The following SYNE2 variants were observed in gnomAD, a reference collection of about 807,000 sequenced individuals.
The protein encoded by SYNE2 is spectrin repeat containing nuclear envelope protein 2, also known as nesprin-2.
A neutral mutation model predicts 856.3 loss-of-function variants in SYNE2; 431 were observed. The observed-to-expected ratio is 0.50, with a 90% CI of 0.47 to 0.55. The LOEUF (loss-of-function observed/expected upper bound fraction) is 0.55, where lower values mean the gene tolerates loss of function less well. Among genes scored for constraint, SYNE2 ranks in the 20% least tolerant of loss-of-function variants. The pLI, the probability that SYNE2 is intolerant of heterozygous loss-of-function variation, is 0.00. For synonymous variants in SYNE2, 2,923 were observed against 2,872.3 expected, an observed-to-expected ratio of 1.02 and a Z score of -0.56; for missense variants, 8,129 against 8,023.2, an observed-to-expected ratio of 1.01 and a Z score of -0.50.
chr14:64,224,357 C>G, intron 113 of SYNE2, 104 bp from the exon 114 acceptor site: 1 of 1,126,274 alleles, frequency 8.9e-7, no homozygotes, highest in Non-Finnish European at 1.3e-6. Context: ...TAAAACAAAA[C>G]AAAACAAAAA....
At chr14:63,861,333 C>T (rs1337326515) in intron 1 of SYNE2, among the ~76,000 whole-genome samples, 14 of 151,596 alleles carry the variant, frequency 9.2e-5, no homozygotes, top group Non-Finnish European at 1.5e-4. Flanking sequence ...TTAGTAGAGA[C>T]GGGGTTTCAC....
intron 1 of SYNE2, among the ~76,000 whole-genome samples, chr14:63,874,508 C>T (rs182855019): frequency 5.9e-4 from 90 of 152,262 alleles, no homozygotes; most frequent in Non-Finnish European, 1.2e-3. Flanking sequence ...ATCTATGTAA[C>T]CTGCCTGAGC....
At chr14:63,783,279 CTT>C (rs1887387955) in intron 1 of SYNE2, among the ~76,000 whole-genome samples, 1 of 152,156 alleles carries the variant, frequency 6.6e-6, no homozygotes, top group African/African-American at 2.4e-5. Context: ...CTTGCTTTCC[CTT>C]TGCCTTCCGC....
intron 58 of SYNE2, 146 bp from the exon 59 acceptor site, chr14:64,089,428 T>C (rs1021786571): frequency 6.8e-5 from 32 of 467,656 alleles, no homozygotes; most frequent in Middle Eastern, 6.0e-4. Context: ...TATTTATTTA[T>C]CTATAGTGCT....
intron 85 of SYNE2, 98 bp from the exon 86 acceptor site, chr14:64,158,527 C>G (rs1258376283): frequency 4.4e-6 from 6 of 1,351,562 alleles, no homozygotes; most frequent in Middle Eastern, 2.0e-4. Flanking sequence ...TCAATACTCT[C>G]AAATTGAAAT....
rs375009930 is a variant in SYNE2 at position 63,884,997 on chromosome 14, G to A, written c.-51-24101G>A. Among the ~76,000 whole-genome samples the A allele has an allele frequency of 2.6e-4, 39 of 152,262 alleles. 1 individual carries two copies. The highest frequency in any genetic ancestry group is 9.1e-4 in the African/African-American group (38 of 41,562). On this transcript the variant is annotated intron_variant, in intron 1 of 115. Transcript: ENST00000555002. ...AGAGCAATAGTTTTCAGAGCTTAAT[G>A]TGGTGGATGCTGTGTTTACTGTCAA...
At chr14:64,217,911 C>T (rs762058794) in intron 108 of SYNE2, among the ~76,000 whole-genome samples, 1 of 152,160 alleles carries the variant, frequency 6.6e-6, no homozygotes, top group Non-Finnish European at 1.5e-5. Context: ...GAAAGATAAA[C>T]ACTTGGTAAC....
At position 64,192,185 on chromosome 14, in the gene SYNE2, G is replaced by A. The variant is rs539582200; in HGVS notation, c.18038+1948G>A. ...TAATTCTCAGAGCTTAGAATAGCGC[G>A]TCAGATGTTTGTTGAAATGAGTAAA... On this transcript the variant is annotated intron_variant, in intron 99 of 115. Coordinates refer to ENST00000555002, the MANE Select transcript of SYNE2 (RefSeq NM_182914.3). Among the ~76,000 whole-genome samples, 11 of 152,208 alleles carry A rather than the reference G, an allele frequency of 7.2e-5. No homozygotes were observed. The South Asian group carries it at 1.2e-3, about 17-fold the overall frequency.
intron 66 of SYNE2, among the ~76,000 whole-genome samples, chr14:64,113,921 A>C (rs934523285): frequency 6.6e-6 from 1 of 152,184 alleles, no homozygotes; most frequent in African/African-American, 2.4e-5. Context: ...CGCAGGATTT[A>C]AATAAGGTAT....
rs767569241 is a variant in SYNE2, at chr14:64,053,096, A to G, written c.9183A>G (p.Gln3061=). 12 of 1,613,958 alleles carry G rather than the reference A, an allele frequency of 7.4e-6. No homozygotes were observed. The highest frequency in any genetic ancestry group is 2.7e-5 in the African/African-American group (2 of 74,934). ...LLSKMRAIDL[Q]IKKMTEVVLK... is the part of the protein sequence containing the mutation. The stretch of plus-strand genomic sequence containing the variant: ...GTAAAATGAGAGCTATTGATTTGCA[A>G]ATTAAGAAAATGACTGAAGTAGTAC... Residue 3061 remains glutamine, a synonymous_variant, in exon 48 of 116, where the codon CAA becomes CAG. Transcript: ENST00000555002.
At chr14:64,001,068 A>T (rs1051266088) in intron 28 of SYNE2, among the ~76,000 whole-genome samples, 18 of 152,158 alleles carry the variant, frequency 1.2e-4, no homozygotes, top group African/African-American at 4.3e-4. Context: ...CTGAAATGAG[A>T]GTGTTATTAG....
chr14:63,982,205 GA>G (rs1261133310), intron 16 of SYNE2, among the ~76,000 whole-genome samples: 6 of 152,152 alleles, frequency 3.9e-5, no homozygotes, highest in Non-Finnish European at 7.4e-5. Flanking sequence ...GGGACTCTCC[GA>G]AAAAATTAAT....
At chr14:63,873,150 T>C (rs1360550586) in intron 1 of SYNE2, among the ~76,000 whole-genome samples, 6 of 152,224 alleles carry the variant, frequency 3.9e-5, no homozygotes, top group African/African-American at 1.4e-4. Flanking sequence ...TCCGATATTA[T>C]TGGAGCTACA....
At chr14:64,090,271 G>A (rs1567264147) in intron 59 of SYNE2, among the ~76,000 whole-genome samples, 4 of 152,158 alleles carry the variant, frequency 2.6e-5, no homozygotes, top group Admixed American at 1.3e-4. Flanking sequence ...CCTGTGAAAT[G>A]GAGGTTAGGA....
intron 1 of SYNE2, among the ~76,000 whole-genome samples, chr14:63,841,074 G>T (rs1425669357): frequency 1.3e-5 from 2 of 152,082 alleles, no homozygotes; most frequent in African/African-American, 4.8e-5. Flanking sequence ...CACCCCTAGG[G>T]CAGGGGAAAC....
intron 10 of SYNE2, among the ~76,000 whole-genome samples, chr14:63,964,404 T>C (rs1412503965): frequency 6.6e-6 from 1 of 152,194 alleles, no homozygotes; most frequent in East Asian, 1.9e-4. Flanking sequence ...AACCCCAGAG[T>C]TGAGTAGTCG....
At chr14:63,866,373 C>T (rs1595289869) in intron 1 of SYNE2, among the ~76,000 whole-genome samples, 1 of 152,282 alleles carries the variant, frequency 6.6e-6, no homozygotes, top group Non-Finnish European at 1.5e-5. Context: ...TTTTAAAACA[C>T]TTATTTTGGC....
At chr14:63,861,199 C>T (rs1382150603) in intron 1 of SYNE2, among the ~76,000 whole-genome samples, 1 of 143,494 alleles carries the variant, frequency 7.0e-6, no homozygotes, top group Non-Finnish European at 1.5e-5. Flanking sequence ...GGCTGGAGTG[C>T]GGCGGCACAA....
Position 64,141,208 on chromosome 14 carries a change from G to A in SYNE2, c.14977-133G>A, listed in dbSNP as rs190797701. 9 of 698,398 alleles carry A rather than the reference G, an allele frequency of 1.3e-5. No individual in the cohort carries two copies. The African/African-American group carries it at 1.4e-4, about 11-fold the overall frequency. The allele number at this position is 698,398 out of a possible 1,614,324, so 43.3% of individuals were successfully genotyped here. On this transcript the variant is annotated intron_variant, in intron 80 of 115. Transcript: ENST00000555002. ...TGTAATGCCCAACAGTAGGAAAAAG[G>A]GGTGTGTGTGTGTGTGTGTATACAC...
Sources: gnomAD v4.1 joint callset for allele counts (sites outside exome capture counted in the v4.1 genomes callset) on GRCh38, gnomAD v4.1.1 for gene constraint, MANE v1.5 for transcripts, NCBI Gene and HGNC (gene_info 2026-07-23, HGNC 2026-07-21) for gene names.